FBXL17: variants seen among roughly 807,000 people sequenced by gnomAD.
The protein encoded by FBXL17 is F-box and leucine rich repeat protein 17, also known as F-box/LRR-repeat protein 17.
Under a neutral mutation model 66.2 loss-of-function variants are expected in FBXL17, and 22 were observed. The observed-to-expected ratio is 0.33, with a 90% CI of 0.24 to 0.47. FBXL17 has a LOEUF of 0.47. FBXL17 is among the 20% of genes least tolerant of loss of function. The pLI is 1.00. For synonymous variants in FBXL17, 474 were observed against 400.5 expected, an observed-to-expected ratio of 1.18 and a Z score of -2.19; for missense variants, 878 against 948.2, an observed-to-expected ratio of 0.93 and a Z score of 0.97.
At chr5:108,213,558 TG>T (rs1430993266) in intron 5 of FBXL17, among the ~76,000 whole-genome samples, 1 of 152,160 alleles carries the variant, frequency 6.6e-6, no homozygotes, top group Non-Finnish European at 1.5e-5. Context: ...CCCAATCCCT[TG>T]CGCTTCCTGG....
intron 4 of FBXL17, among the ~76,000 whole-genome samples, chr5:108,261,377 C>A (rs1275377204): frequency 6.6e-6 from 1 of 151,924 alleles, no homozygotes; most frequent in Non-Finnish European, 1.5e-5. Flanking sequence ...GACAAATAAA[C>A]CCATACCATG....
intron 4 of FBXL17, among the ~76,000 whole-genome samples, chr5:108,258,020 A>G (rs1296301645): frequency 1.3e-5 from 2 of 152,138 alleles, no homozygotes; most frequent in African/African-American, 4.8e-5. Flanking sequence ...GATGCAAATT[A>G]CATCACAAGG....
chr5:107,920,545 G>A lies in FBXL17; in HGVS notation c.1823-39366C>T, dbSNP rs1485402677. Among the ~76,000 whole-genome samples, 4 of 152,156 alleles carry A rather than the reference G, an allele frequency of 2.6e-5. 1 individual carries two copies. The highest frequency in any genetic ancestry group is 4.4e-5 in the Non-Finnish European group (3 of 68,026). ...TAGACATGAATTATCAGAAGGGATT[G>A]CAACAACCTAACTCAATATGAATCT... is the stretch of plus-strand genomic sequence containing the variant. On this transcript the variant is annotated intron_variant, in intron 7 of 8. Transcript: ENST00000542267.
intron 6 of FBXL17, among the ~76,000 whole-genome samples, chr5:108,126,788 G>A (rs571924853): frequency 4.6e-5 from 7 of 150,744 alleles, no homozygotes; most frequent in Non-Finnish European, 1.0e-4. Context: ...CAATATTTTT[G>A]ATAAAAAGGT....
intron 6 of FBXL17, among the ~76,000 whole-genome samples, chr5:108,062,586 A>G (rs1026653762): frequency 6.6e-6 from 1 of 152,178 alleles, no homozygotes; most frequent in Admixed American, 6.5e-5. Context: ...ACACTATAGG[A>G]AACATATTAA....
intron 3 of FBXL17, among the ~76,000 whole-genome samples, chr5:108,360,472 AGTGCTTG>A (rs1748273704): frequency 6.6e-6 from 1 of 151,954 alleles, no homozygotes; most frequent in Non-Finnish European, 1.5e-5. Flanking sequence ...CTTATTGAGG[AGTGCTTG>A]TATGTGATGA....
intron 6 of FBXL17, among the ~76,000 whole-genome samples, chr5:108,141,919 T>C (rs1293708384): frequency 6.6e-6 from 1 of 152,210 alleles, no homozygotes; most frequent in Non-Finnish European, 1.5e-5. Context: ...CCAAGTTGAG[T>C]TGATTGACTT....
At chr5:108,055,155 T>C (rs1747637805) in intron 6 of FBXL17, among the ~76,000 whole-genome samples, 1 of 151,790 alleles carries the variant, frequency 6.6e-6, no homozygotes, top group South Asian at 2.1e-4. Context: ...TCTTGTTTTT[T>C]AAATAATAAA....
In FBXL17 at chr5:107,931,068, G is replaced by C. The variant is rs189219139; in HGVS notation, c.1823-49889C>G. Among the ~76,000 whole-genome samples the C allele has an allele frequency of 1.5e-3, 231 of 152,200 alleles. 1 individual carries two copies. Among genetic ancestry groups the C allele is most frequent in the African/African-American group, 5.0e-3 (207 of 41,530 alleles). On this transcript the variant is annotated intron_variant, in intron 7 of 8. Transcript: ENST00000542267. ...CACTTTTGGTTGTGCTGAGCAGTCG[G>C]TTGAATTGAGCAGAACAATAAAACC... is the stretch of plus-strand genomic sequence containing the variant.
chr5:108,193,679 A>T (rs1753562075), intron 5 of FBXL17, among the ~76,000 whole-genome samples: 1 of 152,106 alleles, frequency 6.6e-6, no homozygotes, highest in Non-Finnish European at 1.5e-5. Flanking sequence ...TGAGGGTAGA[A>T]CTGAAAGGCT....
At chr5:108,350,332 G>A (rs6594299) in intron 3 of FBXL17, among the ~76,000 whole-genome samples, 129,685 of 152,202 alleles carry the variant, frequency 0.85, 55,535 homozygotes, top group African/African-American at 0.94. Context: ...AGAGCAAAAC[G>A]TAGGGTTTTT....
chr5:108,224,977 C>T (rs541072768), intron 4 of FBXL17, among the ~76,000 whole-genome samples: 1 of 152,170 alleles, frequency 6.6e-6, no homozygotes, highest in South Asian at 2.1e-4. Flanking sequence ...AAAATTCACC[C>T]TTTCAAAGAG....
chr5:108,320,797 TATC>T (rs780203669), intron 4 of FBXL17, among the ~76,000 whole-genome samples: 4 of 151,810 alleles, frequency 2.6e-5, no homozygotes, highest in Non-Finnish European at 4.4e-5. Context: ...TTCAGCATAT[TATC>T]ATATTTAAGT....
chr5:108,188,365 A>T lies in FBXL17; in HGVS notation c.1615-2118T>A, dbSNP rs144178454. On this transcript the variant is annotated intron_variant, in intron 5 of 8. Coordinates refer to ENST00000542267, the MANE Select transcript of FBXL17 (RefSeq NM_001163315.3). ...AAAGTGTATGTACCAGCTTCTTCTA[A>T]GGGCTAGGTTGTAGGCATTAGTAAA... Among the ~76,000 whole-genome samples the T allele has an allele frequency of 4.1e-4, 62 of 152,322 alleles. 1 individual carries two copies. The highest frequency in any genetic ancestry group is 1.5e-3 in the African/African-American group (61 of 41,586).
At chr5:107,958,282 T>C (rs1284331641) in intron 7 of FBXL17, among the ~76,000 whole-genome samples, 1 of 152,168 alleles carries the variant, frequency 6.6e-6, no homozygotes, top group Non-Finnish European at 1.5e-5. Flanking sequence ...TAGGTTTAAA[T>C]ATCTCTTTTC....
At chr5:108,102,163 T>C (rs1749626869) in intron 6 of FBXL17, among the ~76,000 whole-genome samples, 1 of 152,034 alleles carries the variant, frequency 6.6e-6, no homozygotes. Context: ...AAGAGAGAGA[T>C]TCATGGAGTC....
At chr5:108,154,656 T>TGTATATATATACACATATATATGG in intron 6 of FBXL17, among the ~76,000 whole-genome samples, 1 of 140,506 alleles carries the variant, frequency 7.1e-6, no homozygotes, top group Non-Finnish European at 1.5e-5. Flanking sequence ...CACATATATG[T>TGTATATATATACACATATATATGG]ATATACATAT....
chr5:108,267,347 A>G (rs1314210851), intron 4 of FBXL17, among the ~76,000 whole-genome samples: 1 of 152,120 alleles, frequency 6.6e-6, no homozygotes, highest in South Asian at 2.1e-4. Flanking sequence ...GAACTACAAT[A>G]AGAAATTTCA....
chr5:108,098,768 T>A (rs1339420427), intron 6 of FBXL17, among the ~76,000 whole-genome samples: 11 of 116,920 alleles, frequency 9.4e-5, no homozygotes, highest in Non-Finnish European at 1.4e-4. Flanking sequence ...AAAAAAAAAA[T>A]TCTCAAATGG....
Sources: gnomAD v4.1 joint callset for allele counts (sites outside exome capture counted in the v4.1 genomes callset) on GRCh38, gnomAD v4.1.1 for gene constraint, MANE v1.5 for transcripts, NCBI Gene and HGNC (gene_info 2026-07-23, HGNC 2026-07-21) for gene names.